The following ADK variants were observed in gnomAD, a reference collection of about 807,000 sequenced individuals.
The protein encoded by ADK is N6,N6-dimethyladenosine kinase.
A neutral mutation model predicts 44.7 loss-of-function variants in ADK; 24 were observed. The ratio of observed to expected loss-of-function variants is 0.54; its 90% confidence interval spans 0.39 to 0.76. The LOEUF (loss-of-function observed/expected upper bound fraction) is 0.76. Ranked by LOEUF, ADK falls within the 30% of genes least tolerant of loss-of-function variation. The pLI is 0.00. For missense variants in ADK, 321 were observed against 425.1 expected (o/e 0.76, Z 2.15); for synonymous variants, 128 against 142.6 (o/e 0.90, Z 0.73).
chr10:74,216,158 C>A (rs969119674), intron 2 of ADK, among the ~76,000 whole-genome samples: 2 of 151,948 alleles, frequency 1.3e-5, no homozygotes, highest in African/African-American at 4.8e-5. Flanking sequence ...TATATTTTGC[C>A]TGTAACATGC....
At chr10:74,176,582 G>T (rs1032515830) in intron 1 of ADK, 15 of 1,358,158 alleles carry the variant, frequency 1.1e-5, no homozygotes, top group Admixed American at 3.2e-5. Context: ...CACCGCGCCC[G>T]CTAGTCATCT....
intron 1 of ADK, among the ~76,000 whole-genome samples, chr10:74,179,228 G>C (rs752403328): frequency 2.0e-5 from 3 of 152,152 alleles, no homozygotes; most frequent in Non-Finnish European, 2.9e-5. Flanking sequence ...ATTTCCTGGT[G>C]AACACTACAT....
intron 4 of ADK, among the ~76,000 whole-genome samples, chr10:74,384,439 G>A (rs754874959): frequency 5.9e-5 from 9 of 152,180 alleles, no homozygotes; most frequent in Non-Finnish European, 8.8e-5. Flanking sequence ...GGAGGCCGAG[G>A]TGGATGGATC....
chr10:74,309,540 G>C (rs187872411), intron 3 of ADK, among the ~76,000 whole-genome samples: 9 of 152,240 alleles, frequency 5.9e-5, no homozygotes, highest in Admixed American at 1.3e-4. Context: ...AACATAGTAA[G>C]AATTCAAATC....
At chr10:74,258,820 C>T (rs1358726978) in intron 3 of ADK, among the ~76,000 whole-genome samples, 1 of 151,996 alleles carries the variant, frequency 6.6e-6, no homozygotes, top group Middle Eastern at 3.4e-3. Flanking sequence ...TTGTGCTCTA[C>T]CTTTTTCTTT....
intron 4 of ADK, among the ~76,000 whole-genome samples, chr10:74,393,367 C>T (rs61045754): frequency 0.12 from 18,700 of 152,116 alleles, 1,209 homozygotes; most frequent in Middle Eastern, 0.17. Context: ...AAGTTCAAAT[C>T]TGTGAAACAT....
intron 3 of ADK, among the ~76,000 whole-genome samples, chr10:74,238,475 A>T (rs1845059076): frequency 6.6e-6 from 1 of 152,214 alleles, no homozygotes; most frequent in Non-Finnish European, 1.5e-5. Context: ...AGGTTTTCTA[A>T]AACTATTTTC....
Position 74,634,644 on chromosome 10 carries a change from GA to G in ADK, c.877+34159del, listed in dbSNP as rs1044762955. Among the ~76,000 whole-genome samples, 7 of 151,084 alleles carry G rather than the reference GA, an allele frequency of 4.6e-5. No individual in the cohort carries two copies. The East Asian group carries it at 1.4e-3, about 30-fold the overall frequency. On this transcript the variant is annotated intron_variant, in intron 9 of 10. Transcript: ENST00000539909. ...AATTATCAAGTGTGGAAAATGAAGAGAAAAAAAACAATGAACATGGCCGGGT... is the reference window on the plus strand; with the variant it reads ...AATTATCAAGTGTGGAAAATGAAGAGAAAAAAACAATGAACATGGCCGGGT...
intron 2 of ADK, among the ~76,000 whole-genome samples, chr10:74,207,486 G>C (rs12356967): frequency 0.53 from 80,415 of 151,990 alleles, 22,377 homozygotes; most frequent in Non-Finnish European, 0.62. Flanking sequence ...GTGGAGAGGA[G>C]CTTCATTGAG....
At chr10:74,511,283 G>A (rs1414945273) in intron 6 of ADK, among the ~76,000 whole-genome samples, 1 of 152,038 alleles carries the variant, frequency 6.6e-6, no homozygotes, top group Non-Finnish European at 1.5e-5. Context: ...TATATTTTGA[G>A]GTCTGATAGT....
chr10:74,170,278 CA>C (rs1474415439), intron 1 of ADK, among the ~76,000 whole-genome samples: 5 of 151,676 alleles, frequency 3.3e-5, no homozygotes, highest in African/African-American at 1.2e-4. Context: ...TAAAATTAAT[CA>C]AAAAAATCAT....
intron 6 of ADK, among the ~76,000 whole-genome samples, chr10:74,407,732 G>T (rs372458281): frequency 1.1e-4 from 16 of 152,230 alleles, no homozygotes; most frequent in Admixed American, 5.9e-4. Context: ...CTTCCTTCCC[G>T]CTCTGCAGCC....
At chr10:74,177,941 A>ATT (rs1401738266) in intron 1 of ADK, among the ~76,000 whole-genome samples, 33 of 89,158 alleles carry the variant, frequency 3.7e-4, no homozygotes, top group African/African-American at 1.2e-3. Flanking sequence ...ATATATATAT[A>ATT]TATATTTTTT....
chr10:74,440,184 T>C (rs948847277), intron 6 of ADK, among the ~76,000 whole-genome samples: 2 of 152,164 alleles, frequency 1.3e-5, no homozygotes, highest in African/African-American at 4.8e-5. Context: ...ATATTGGACA[T>C]ATTTACAATA....
chr10:74,371,821 C>T (rs1014572972), intron 4 of ADK: 2 of 1,262,200 alleles, frequency 1.6e-6, no homozygotes, highest in Admixed American at 3.4e-5. Context: ...GCCACTGGAG[C>T]CACTCCAATT....
At chr10:74,496,504 A>G (rs953742586) in intron 6 of ADK, among the ~76,000 whole-genome samples, 6 of 152,304 alleles carry the variant, frequency 3.9e-5, no homozygotes, top group Admixed American at 3.3e-4. Flanking sequence ...CATGATTGTA[A>G]GTTTCCTGAG....
intron 5 of ADK, among the ~76,000 whole-genome samples, chr10:74,396,592 G>A (rs989685801): frequency 2.0e-5 from 3 of 152,110 alleles, no homozygotes; most frequent in Non-Finnish European, 2.9e-5. Flanking sequence ...GGGTAATGCA[G>A]TATCTTTCTT....
rs574168110 is a variant in ADK, at chr10:74,488,459, T to A, written c.556-36797T>A. On this transcript the variant is annotated intron_variant, in intron 6 of 10. Transcript: ENST00000539909. Reference sequence around the variant, plus strand: ...ACGTAAATAGCATAGGAGTGTTCATTTGTACTACTCTCAATTTTTTCTATA... The same window carrying A: ...ACGTAAATAGCATAGGAGTGTTCATATGTACTACTCTCAATTTTTTCTATA... Among the ~76,000 whole-genome samples the A allele has an allele frequency of 1.8e-3, 267 of 150,894 alleles. 1 individual carries two copies. The highest frequency in any genetic ancestry group is 6.2e-3 in the African/African-American group (255 of 41,192).
intron 2 of ADK, among the ~76,000 whole-genome samples, chr10:74,209,351 C>G (rs80187223): frequency 0.042 from 6,340 of 152,206 alleles, 197 homozygotes; most frequent in Middle Eastern, 0.071. Flanking sequence ...GGTGCCTTAA[C>G]CGTGGATTTC....
Sources: allele counts gnomAD v4.1 joint callset (sites outside exome capture counted in the v4.1 genomes callset), GRCh38; gene constraint gnomAD v4.1.1; transcripts MANE v1.5; gene names NCBI Gene and HGNC (gene_info 2026-07-23, HGNC 2026-07-21).